The following PAFAH1B1 variants were observed in gnomAD, a reference collection of about 807,000 sequenced individuals.
PAFAH1B1 encodes platelet activating factor acetylhydrolase 1b regulatory subunit 1.
In PAFAH1B1, 2 loss-of-function variants were observed where a neutral mutation model predicts 57.5. The observed-to-expected ratio is 0.03, with a 90% CI of 0.01 to 0.11. PAFAH1B1 has a LOEUF of 0.11. Among genes scored for constraint, PAFAH1B1 ranks in the 10% least tolerant of loss-of-function variants. PAFAH1B1 has a pLI of 1.00. For missense variants in PAFAH1B1, 257 were observed against 512.0 expected, an observed-to-expected ratio of 0.50 and a Z score of 4.81; for synonymous variants, 152 against 169.6, an observed-to-expected ratio of 0.90 and a Z score of 0.81.
At chr17:2,681,617 A>G (rs2069385668) in intron 10 of PAFAH1B1, 112 bp from the exon 11 acceptor site, 7 of 790,216 alleles carry the variant, frequency 8.9e-6, no homozygotes, top group Non-Finnish European at 1.5e-5. Flanking sequence ...ACACACTACC[A>G]TGCCCGGCTA....
intron 8 of PAFAH1B1, 125 bp downstream of exon 8, chr17:2,674,413 C>A: frequency 2.7e-6 from 2 of 732,202 alleles, no homozygotes; most frequent in Non-Finnish European, 2.5e-6. Flanking sequence ...AATTCTGAAT[C>A]TTGAAATTCT....
At chr17:2,676,077 G>C (rs1267124790) in intron 8 of PAFAH1B1, among the ~76,000 whole-genome samples, 1 of 152,076 alleles carries the variant, frequency 6.6e-6, no homozygotes, top group African/African-American at 2.4e-5. Flanking sequence ...TATTTCAACA[G>C]ATAAAAACAA....
chr17:2,621,607 CTTTTTTTTTTTTTTTT>C (rs534219431), intron 1 of PAFAH1B1, among the ~76,000 whole-genome samples: 37 of 84,784 alleles, frequency 4.4e-4, no homozygotes, highest in Admixed American at 1.5e-3. Flanking sequence ...GATAATCTGT[CTTTTTTTTTTTTTTTT>C]TTTTTTTTTT....
chr17:2,604,504 C>T (rs1355429929), intron 1 of PAFAH1B1, among the ~76,000 whole-genome samples: 1 of 152,100 alleles, frequency 6.6e-6, no homozygotes, highest in Non-Finnish European at 1.5e-5. Flanking sequence ...GATACTTGAA[C>T]TGAATCTTGA....
At chr17:2,657,875 T>C (rs3785957) in intron 2 of PAFAH1B1, among the ~76,000 whole-genome samples, 14,748 of 152,248 alleles carry the variant, frequency 0.097, 994 homozygotes, top group African/African-American at 0.19. Context: ...CTTCTTCCTC[T>C]TTCCTTTTTT....
At chr17:2,617,607 A>G (rs1219705132) in intron 1 of PAFAH1B1, among the ~76,000 whole-genome samples, 1 of 152,178 alleles carries the variant, frequency 6.6e-6, no homozygotes, top group Non-Finnish European at 1.5e-5. Context: ...CAGAATAAGA[A>G]GTAGACGTGT....
chr17:2,639,009 TC>T (rs1273460613), intron 2 of PAFAH1B1, among the ~76,000 whole-genome samples: 1 of 152,006 alleles, frequency 6.6e-6, no homozygotes, highest in East Asian at 1.9e-4. Context: ...ACGCCATTCT[TC>T]TGCCTCAACC....
chr17:2,631,669 C>T lies in PAFAH1B1; in HGVS notation c.-190-6430C>T, dbSNP rs76186390. 8.6e-4 allele frequency among the ~76,000 whole-genome samples: 131 copies of T among 152,298 alleles called. 5 individuals carry two copies. In the East Asian group the frequency reaches 0.023, roughly 26 times the overall value. The stretch of plus-strand genomic sequence containing the variant: ...GGAGGGTCTTCCTTTCTCACTTCTG[C>T]AGTTGGGACACTCACAGTATTTGGG... On this transcript the variant is annotated intron_variant, in intron 1 of 10. Coordinates refer to ENST00000397195, the MANE Select transcript of PAFAH1B1 (RefSeq NM_000430.4).
chr17:2,636,849 T>G (rs2068630822), intron 1 of PAFAH1B1, among the ~76,000 whole-genome samples: 1 of 152,122 alleles, frequency 6.6e-6, no homozygotes, highest in Non-Finnish European at 1.5e-5. Context: ...CCTCCTGCCT[T>G]AGCTTCTCAA....
chr17:2,605,405 C>T (rs1211699893), intron 1 of PAFAH1B1, among the ~76,000 whole-genome samples: 1 of 152,176 alleles, frequency 6.6e-6, no homozygotes, highest in Non-Finnish European at 1.5e-5. Context: ...AAAAACCCAT[C>T]ATCAGCTTTT....
At chr17:2,632,872 T>C (rs2151630590) in intron 1 of PAFAH1B1, among the ~76,000 whole-genome samples, 1 of 152,292 alleles carries the variant, frequency 6.6e-6, no homozygotes, top group East Asian at 1.9e-4. Context: ...CATTGCCCCA[T>C]GGATACTGAG....
chr17:2,652,504 ATTG>A, intron 2 of PAFAH1B1, among the ~76,000 whole-genome samples: 1 of 152,292 alleles, frequency 6.6e-6, no homozygotes, highest in Non-Finnish European at 1.5e-5. Context: ...TGTTTACTTT[ATTG>A]CTTTAAAAAA....
intron 2 of PAFAH1B1, among the ~76,000 whole-genome samples, chr17:2,654,578 G>A (rs994009404): frequency 1.3e-5 from 2 of 151,962 alleles, no homozygotes; most frequent in African/African-American, 4.8e-5. Flanking sequence ...ATTGCCTTAA[G>A]GTAAAAAATT....
intron 1 of PAFAH1B1, among the ~76,000 whole-genome samples, chr17:2,631,894 T>TA (rs2068560299): frequency 6.6e-6 from 1 of 152,314 alleles, no homozygotes; most frequent in African/African-American, 2.4e-5. Context: ...TCTGATTTTT[T>TA]AAAAAATGTT....
intron 1 of PAFAH1B1, among the ~76,000 whole-genome samples, chr17:2,615,481 C>G (rs1187939388): frequency 6.6e-6 from 1 of 152,178 alleles, no homozygotes; most frequent in Non-Finnish European, 1.5e-5. Flanking sequence ...CACTGTGTCG[C>G]CCAGCCTGGA....
At chr17:2,602,644 T>C (rs750107129) in intron 1 of PAFAH1B1, among the ~76,000 whole-genome samples, 2 of 152,240 alleles carry the variant, frequency 1.3e-5, no homozygotes, top group Non-Finnish European at 2.9e-5. Context: ...AACGTCTTTC[T>C]GCTACATAGT....
At chr17:2,647,515 T>TGACA (rs2068784631) in intron 2 of PAFAH1B1, among the ~76,000 whole-genome samples, 1 of 151,890 alleles carries the variant, frequency 6.6e-6, no homozygotes, top group African/African-American at 2.4e-5. Flanking sequence ...CCAGCCTGGG[T>TGACA]GACAGAGTGA....
At chr17:2,636,106 C>G (rs2068621813) in intron 1 of PAFAH1B1, among the ~76,000 whole-genome samples, 4 of 152,040 alleles carry the variant, frequency 2.6e-5, no homozygotes, top group Admixed American at 2.0e-4. Context: ...AAGACCCCAT[C>G]TCAAAAAAGA....
At chr17:2,677,809 G>GCAC (rs1234778053) in intron 9 of PAFAH1B1, among the ~76,000 whole-genome samples, 1 of 151,856 alleles carries the variant, frequency 6.6e-6, no homozygotes, top group East Asian at 1.9e-4. Context: ...ACCGGAGATG[G>GCAC]CACCACTGTA....
Sources: allele counts gnomAD v4.1 joint callset (sites outside exome capture counted in the v4.1 genomes callset), GRCh38; gene constraint gnomAD v4.1.1; transcripts MANE v1.5; gene names NCBI Gene and HGNC (gene_info 2026-07-23, HGNC 2026-07-21).